The following ABTB2 variants were observed in gnomAD, a reference collection of about 807,000 sequenced individuals.
ABTB2 encodes ankyrin repeat and BTB domain containing 2.
In ABTB2, 56 loss-of-function variants were observed where a neutral mutation model predicts 104.1. The ratio of observed to expected loss-of-function variants is 0.54; its 90% CI spans 0.43 to 0.67. ABTB2 has a LOEUF of 0.67. Ranked by LOEUF, ABTB2 falls within the 30% of genes least tolerant of loss-of-function variation. The probability of loss-of-function intolerance (pLI) is 0.00; values close to 1 mark genes in which losing one functional copy is unlikely to be tolerated. For synonymous variants in ABTB2, 606 were observed against 608.2 expected, an observed-to-expected ratio of 1.00 and a Z score of 0.05; for missense variants, 1,279 against 1,407.7, an observed-to-expected ratio of 0.91 and a Z score of 1.46.
At position 34,259,452 on chromosome 11, in the gene ABTB2, G is replaced by C. The variant is rs1289434646; in HGVS notation, c.884-54762C>G. On this transcript the variant is annotated intron_variant, in intron 1 of 16. Coordinates refer to ENST00000435224, the MANE Select transcript of ABTB2 (RefSeq NM_145804.3). ...CACAGAAACTTGCAAACGATGAACA[G>C]ATTTTTGTTTTGTGGAGAATGAAGA... 2.0e-5 allele frequency among the ~76,000 whole-genome samples: 3 copies of C among 152,206 alleles called. No homozygotes were observed. The East Asian group carries it at 5.8e-4, about 29-fold the overall frequency.
At chr11:34,230,373 A>G (rs1422586931) in intron 1 of ABTB2, among the ~76,000 whole-genome samples, 1 of 152,200 alleles carries the variant, frequency 6.6e-6, no homozygotes, top group Non-Finnish European at 1.5e-5. Context: ...ATGAGGGGTT[A>G]GTCACTTACC....
At chr11:34,156,323 A>G (rs1181339223) in intron 14 of ABTB2, among the ~76,000 whole-genome samples, 8 of 152,160 alleles carry the variant, frequency 5.3e-5, no homozygotes, top group African/African-American at 1.7e-4. Context: ...GGCAGTCCCT[A>G]GCAGGATACA....
At chr11:34,341,381 G>C (rs1406335586) in intron 1 of ABTB2, among the ~76,000 whole-genome samples, 1 of 152,130 alleles carries the variant, frequency 6.6e-6, no homozygotes, top group Admixed American at 6.5e-5. Context: ...TGCAAACAGA[G>C]GGCTTCTGAG....
chr11:34,278,615 A>C (rs1330295871), intron 1 of ABTB2, among the ~76,000 whole-genome samples: 1 of 151,366 alleles, frequency 6.6e-6, no homozygotes, highest in Non-Finnish European at 1.5e-5. Flanking sequence ...GGAATGGCTG[A>C]GTGTCCTCAC....
At chr11:34,348,086 C>T (rs1855355550) in intron 1 of ABTB2, among the ~76,000 whole-genome samples, 1 of 152,168 alleles carries the variant, frequency 6.6e-6, no homozygotes, top group Non-Finnish European at 1.5e-5. Flanking sequence ...CCAAATTCAA[C>T]AAGAAAAGAA....
chr11:34,238,934 T>C (rs1590226625), intron 1 of ABTB2, among the ~76,000 whole-genome samples: 1 of 152,130 alleles, frequency 6.6e-6, no homozygotes, highest in Non-Finnish European at 1.5e-5. Flanking sequence ...TTTGTATTTT[T>C]AGTAGAGACG....
chr11:34,159,472 G>T, intron 13 of ABTB2, 86 bp from the exon 14 acceptor site: 1 of 866,544 alleles, frequency 1.2e-6, no homozygotes, highest in Non-Finnish European at 2.0e-6. Flanking sequence ...CACCTGACCG[G>T]CTACCACAAG....
chr11:34,310,385 C>G (rs1295070254), intron 1 of ABTB2, among the ~76,000 whole-genome samples: 1 of 152,118 alleles, frequency 6.6e-6, no homozygotes, highest in African/African-American at 2.4e-5. Context: ...CTCCCTGCAA[C>G]CCTCTGAGTT....
intron 1 of ABTB2, among the ~76,000 whole-genome samples, chr11:34,327,454 A>C (rs368044034): frequency 6.6e-6 from 1 of 152,142 alleles, no homozygotes; most frequent in African/African-American, 2.4e-5. Context: ...GTAGCAGGGG[A>C]AACGTGGCCT....
intron 1 of ABTB2, among the ~76,000 whole-genome samples, chr11:34,212,631 G>A (rs1590218451): frequency 6.6e-6 from 1 of 152,298 alleles, no homozygotes; most frequent in South Asian, 2.1e-4. Context: ...CAGTCTGAAG[G>A]AGGAGAACAC....
At chr11:34,158,655 C>T (rs1852665228) in intron 14 of ABTB2, among the ~76,000 whole-genome samples, 1 of 152,230 alleles carries the variant, frequency 6.6e-6, no homozygotes, top group Admixed American at 6.5e-5. Flanking sequence ...CAGTGGGGTT[C>T]AGCTGAGATC....
intron 11 of ABTB2, among the ~76,000 whole-genome samples, chr11:34,160,668 CGTGT>C (rs756259233): frequency 1.3e-3 from 98 of 77,696 alleles, no homozygotes; most frequent in African/African-American, 4.8e-3. Flanking sequence ...CACGCGCGCG[CGTGT>C]GTGTGTGTAT....
chr11:34,290,556 GA>G (rs1412043899), intron 1 of ABTB2, among the ~76,000 whole-genome samples: 2 of 152,188 alleles, frequency 1.3e-5, no homozygotes, highest in Admixed American at 1.3e-4. Context: ...AGAAAAACCA[GA>G]GTGCCAAGTG....
At chr11:34,205,621 A>G (rs1182761808) in intron 1 of ABTB2, among the ~76,000 whole-genome samples, 5 of 150,408 alleles carry the variant, frequency 3.3e-5, no homozygotes, top group African/African-American at 9.8e-5. Flanking sequence ...TTTCTTTTTT[A>G]AAGAAAAATA....
In ABTB2 at chr11:34,160,965, ACTC is replaced by A. The variant is rs767544640; in HGVS notation, c.2332_2334del (p.Glu778del). 22 of 1,612,476 alleles carry A rather than the reference ACTC, an allele frequency of 1.4e-5. No homozygotes were observed. Among genetic ancestry groups the A allele is most frequent in the East Asian group, 6.7e-5 (3 of 44,756 alleles). ...CCCTCGGTCACCAGCTCCTCGTTGT[ACTC>A]CTCCTCTCTGATGGAGCTGAAGTCC... On this transcript the variant is annotated inframe_deletion, in exon 11 of 17. Coordinates refer to ENST00000435224, the MANE Select transcript of ABTB2 (RefSeq NM_145804.3).
At chr11:34,309,696 A>T (rs1289794422) in intron 1 of ABTB2, among the ~76,000 whole-genome samples, 2 of 152,238 alleles carry the variant, frequency 1.3e-5, no homozygotes, top group Admixed American at 1.3e-4. Flanking sequence ...GAGAAAAGAA[A>T]AACAAACTTT....
At chr11:34,298,952 C>A (rs1854662731) in intron 1 of ABTB2, among the ~76,000 whole-genome samples, 1 of 152,084 alleles carries the variant, frequency 6.6e-6, no homozygotes, top group African/African-American at 2.4e-5. Flanking sequence ...AAATTCCAGC[C>A]CTTGAACAGT....
At chr11:34,312,703 T>C (rs1283111664) in intron 1 of ABTB2, among the ~76,000 whole-genome samples, 1 of 152,234 alleles carries the variant, frequency 6.6e-6, no homozygotes, top group Non-Finnish European at 1.5e-5. Flanking sequence ...TATTGGGTTC[T>C]ACTATTCTCT....
chr11:34,334,251 G>A (rs1177592981), intron 1 of ABTB2, among the ~76,000 whole-genome samples: 1 of 152,090 alleles, frequency 6.6e-6, no homozygotes, highest in African/African-American at 2.4e-5. Flanking sequence ...AACTGTTTTA[G>A]ACACATACGG....
Sources: allele counts gnomAD v4.1 joint callset (sites outside exome capture counted in the v4.1 genomes callset), GRCh38; gene constraint gnomAD v4.1.1; transcripts MANE v1.5; gene names NCBI Gene and HGNC (gene_info 2026-07-23, HGNC 2026-07-21).